The following ATXN10 variants were observed in gnomAD, a reference collection of about 807,000 sequenced individuals.
ATXN10 encodes the protein ataxin 10.
In ATXN10, 28 loss-of-function variants were observed where a neutral mutation model predicts 52.9. The observed-to-expected ratio is 0.53, with a 90% confidence interval of 0.39 to 0.73. ATXN10 has a LOEUF of 0.73. Among genes scored for constraint, ATXN10 ranks in the 30% least tolerant of loss-of-function variants. The pLI is 0.00. For synonymous variants in ATXN10, 226 were observed against 221.5 expected, an observed-to-expected ratio of 1.02 and a Z score of -0.18; for missense variants, 565 against 577.0, an observed-to-expected ratio of 0.98 and a Z score of 0.21.
In ATXN10 at chr22:45,744,130, G is replaced by A. The variant is rs1925641224; in HGVS notation, c.1173+3592G>A. ...TTTGCTGGCTTGGGGATCCTTTGAC[G>A]GGTAATTCAGGCAAGGTATTAATAT... On this transcript the variant is annotated intron_variant, in intron 9 of 11. Transcript: ENST00000252934. This position sits in a 1 kb window ranked among gnomAD's most constrained non-coding sequence, Gnocchi z 4.9. Among the ~76,000 whole-genome samples, 1 of 152,084 alleles carries A rather than the reference G, an allele frequency of 6.6e-6. No homozygotes were observed. The highest frequency in any genetic ancestry group is 1.9e-4 in the East Asian group (1 of 5,188).
chr22:45,818,817 A>G lies in ATXN10; in HGVS notation c.1237+11795A>G, dbSNP rs1372676565. ...ATGTAACATTTATTTGAAAACAGAA[A>G]CAAAACTGTATGTGGACACTGATTG... On this transcript the variant is annotated intron_variant, in intron 10 of 11. Coordinates refer to ENST00000252934, the MANE Select transcript of ATXN10 (RefSeq NM_013236.4). The surrounding 1 kb of genome is among the most constrained non-coding windows in gnomAD (Gnocchi z 4.6). Among the ~76,000 whole-genome samples, 1 of 151,848 alleles carries G rather than the reference A, an allele frequency of 6.6e-6. No homozygotes were observed. Among genetic ancestry groups the G allele is most frequent in the Non-Finnish European group, 1.5e-5 (1 of 67,946 alleles).
chr22:45,801,634 C>T (rs1046795809), intron 9 of ATXN10, among the ~76,000 whole-genome samples: 3 of 152,152 alleles, frequency 2.0e-5, no homozygotes, highest in African/African-American at 7.2e-5. Context: ...TCAAGAACAA[C>T]ATTACACTAA....
intron 10 of ATXN10, among the ~76,000 whole-genome samples, chr22:45,808,698 C>T (rs1003736505): frequency 6.6e-6 from 1 of 152,202 alleles, no homozygotes; most frequent in Non-Finnish European, 1.5e-5. Flanking sequence ...AGATTTTATA[C>T]ATGTGAGTGC....
At chr22:45,751,563 A>T (rs1925950939) in intron 9 of ATXN10, among the ~76,000 whole-genome samples, 6 of 151,742 alleles carry the variant, frequency 4.0e-5, no homozygotes, top group Admixed American at 3.9e-4. Flanking sequence ...AGGTGTTCTG[A>T]CTTGGGTACA....
At chr22:45,710,609 A>G (rs569742211) in intron 5 of ATXN10, among the ~76,000 whole-genome samples, 2 of 152,328 alleles carry the variant, frequency 1.3e-5, no homozygotes, top group African/African-American at 2.4e-5. Flanking sequence ...CAAAGCACCT[A>G]GAACATGTGT....
intron 9 of ATXN10, among the ~76,000 whole-genome samples, chr22:45,785,415 T>C (rs946062648): frequency 1.3e-5 from 2 of 152,222 alleles, no homozygotes; most frequent in Non-Finnish European, 2.9e-5. Context: ...GTGCTTCTAC[T>C]TTTTTTCTTA....
At chr22:45,730,610 T>C (rs1175636474) in intron 7 of ATXN10, among the ~76,000 whole-genome samples, 1 of 152,200 alleles carries the variant, frequency 6.6e-6, no homozygotes, top group Non-Finnish European at 1.5e-5. Flanking sequence ...ATAATTTTTG[T>C]ATTTTTGGTA....
chr22:45,768,379 G>T (rs919609750), intron 9 of ATXN10, among the ~76,000 whole-genome samples: 1 of 151,528 alleles, frequency 6.6e-6, no homozygotes, highest in African/African-American at 2.4e-5. Flanking sequence ...GGGATGGTTT[G>T]AGGATGAAAA....
rs1233010501 is a variant in ATXN10, at chr22:45,786,118, G to A, written c.1174-20841G>A. Among the ~76,000 whole-genome samples the A allele has an allele frequency of 2.0e-5, 3 of 152,158 alleles. No homozygotes were observed. The highest frequency in any genetic ancestry group is 4.4e-5 in the Non-Finnish European group (3 of 68,042). On this transcript the variant is annotated intron_variant, in intron 9 of 11. Coordinates refer to ENST00000252934, the MANE Select transcript of ATXN10 (RefSeq NM_013236.4). This position sits in a 1 kb window ranked among gnomAD's most constrained non-coding sequence, Gnocchi z 4.1. ...TGAGAAAATTGCACTAAATTCAGAT[G>A]TGAATGTTTGCTAAAGAAAAGATAG...
chr22:45,702,371 TTTTC>T (rs895212669), intron 4 of ATXN10, among the ~76,000 whole-genome samples: 1 of 152,172 alleles, frequency 6.6e-6, no homozygotes, highest in Non-Finnish European at 1.5e-5. Flanking sequence ...CCTGTCGATT[TTTTC>T]TTTCTAACAA....
Position 45,774,603 on chromosome 22 carries a change from G to GA in ATXN10, c.1174-32351dup, listed in dbSNP as rs964063033. On this transcript the variant is annotated intron_variant, in intron 9 of 11. Coordinates refer to ENST00000252934, the MANE Select transcript of ATXN10 (RefSeq NM_013236.4). The surrounding 1 kb of genome is among the most constrained non-coding windows in gnomAD (Gnocchi z 6.2). Reference sequence around the variant, plus strand: ...AGGAAATCTTCCATGTCAGGTTCCTGAAAAAGAGAAAGGATGTTTAATGTT... The same window carrying GA: ...AGGAAATCTTCCATGTCAGGTTCCTGAAAAAAGAGAAAGGATGTTTAATGTT... Among the ~76,000 whole-genome samples the GA allele has an allele frequency of 6.6e-5, 10 of 152,190 alleles. No homozygotes were observed. Among genetic ancestry groups the GA allele is most frequent in the Admixed American group, 1.3e-4 (2 of 15,278 alleles).
At position 45,757,336 on chromosome 22, in the gene ATXN10, T is replaced by G. The variant is rs918842570; in HGVS notation, c.1173+16798T>G. On this transcript the variant is annotated intron_variant, in intron 9 of 11. Coordinates refer to ENST00000252934, the MANE Select transcript of ATXN10 (RefSeq NM_013236.4). The surrounding 1 kb of genome is among the most constrained non-coding windows in gnomAD (Gnocchi z 4.6). ...ACAAAAATGCCTCAGAGCTTCAGTGTAACTGGAGCAATACCAGCTGATTCT... is the reference window on the plus strand; with the variant it reads ...ACAAAAATGCCTCAGAGCTTCAGTGGAACTGGAGCAATACCAGCTGATTCT... 2.6e-5 allele frequency among the ~76,000 whole-genome samples: 4 copies of G among 152,172 alleles called. No individual in the cohort carries two copies. Among genetic ancestry groups the G allele is most frequent in the African/African-American group, 4.8e-5 (2 of 41,450 alleles).
At position 45,732,190 on chromosome 22, in the gene ATXN10, G is replaced by A. The variant is rs941920322; in HGVS notation, c.894+2600G>A. Among the ~76,000 whole-genome samples the A allele has an allele frequency of 6.6e-6, 1 of 152,156 alleles. No homozygotes were observed. Among genetic ancestry groups the A allele is most frequent in the African/African-American group, 2.4e-5 (1 of 41,430 alleles). On this transcript the variant is annotated intron_variant, in intron 7 of 11. Transcript: ENST00000252934. This position sits in a 1 kb window ranked among gnomAD's most constrained non-coding sequence, Gnocchi z 4.5. ...TTGTAGACTGGGAACAGTGGCTCAT[G>A]CCCGTAATCCCAATACTTTGGGACG...
At chr22:45,806,757 A>C (rs769924930) in intron 9 of ATXN10, among the ~76,000 whole-genome samples, 3 of 152,044 alleles carry the variant, frequency 2.0e-5, no homozygotes, top group Non-Finnish European at 4.4e-5. Flanking sequence ...TTTTTTTTGA[A>C]GTCCAGTGAA....
At chr22:45,765,964 T>A (rs774950252) in intron 9 of ATXN10, among the ~76,000 whole-genome samples, 1 of 152,130 alleles carries the variant, frequency 6.6e-6, no homozygotes, top group Non-Finnish European at 1.5e-5. Flanking sequence ...TTCTACCAGA[T>A]ACTAAAAATG....
chr22:45,828,367 G>C lies in ATXN10; in HGVS notation c.1238-14624G>C, dbSNP rs1928885764. Among the ~76,000 whole-genome samples, 3 of 151,828 alleles carry C rather than the reference G, an allele frequency of 2.0e-5. No homozygotes were observed. The highest frequency in any genetic ancestry group is 7.3e-5 in the African/African-American group (3 of 41,326). ...GTTCAAAGAACTAGATAAGGACATAGAAAAAGTAAACCCAAAGCTAGCAAA... is the reference window on the plus strand; with the variant it reads ...GTTCAAAGAACTAGATAAGGACATACAAAAAGTAAACCCAAAGCTAGCAAA... On this transcript the variant is annotated intron_variant, in intron 10 of 11. Transcript: ENST00000252934. This position sits in a 1 kb window ranked among gnomAD's most constrained non-coding sequence, Gnocchi z 4.5.
At position 45,783,626 on chromosome 22, in the gene ATXN10, T is replaced by A. The variant is rs1350876959; in HGVS notation, c.1174-23333T>A. On this transcript the variant is annotated intron_variant, in intron 9 of 11. Transcript: ENST00000252934. This position sits in a 1 kb window ranked among gnomAD's most constrained non-coding sequence, Gnocchi z 5.0. ...TGCTTTTTGCTTGTCTGTGGGGCCT[T>A]CTCTCTCCCTTATCCCCACCCACAT... Among the ~76,000 whole-genome samples, 2 of 152,156 alleles carry A rather than the reference T, an allele frequency of 1.3e-5. No homozygotes were observed. The highest frequency in any genetic ancestry group is 6.5e-5 in the Admixed American group (1 of 15,278).
rs1253113693 is a variant in ATXN10 at position 45,729,550 on chromosome 22, C to G, written c.854C>G (p.Thr285Ser). Residue 285 changes from threonine (T) to serine (S), a missense_variant, in exon 7 of 12, where the codon ACT becomes AGT. Coordinates refer to ENST00000252934, the MANE Select transcript of ATXN10 (RefSeq NM_013236.4). ...IASTFVDQCK[T>S]VLKLASEEPP... ...AGCACCTTTGTGGATCAGTGCAAGA[C>G]TGTGCTCAAGCTGGCCTCTGAGGAG... 5.6e-6 allele frequency: 9 copies of G among 1,614,044 alleles called. No individual in the cohort carries two copies. Among genetic ancestry groups the G allele is most frequent in the Non-Finnish European group, 7.6e-6 (9 of 1,180,034 alleles).
intron 9 of ATXN10, among the ~76,000 whole-genome samples, chr22:45,798,962 C>T (rs2146876234): frequency 6.6e-6 from 1 of 152,208 alleles, no homozygotes; most frequent in Middle Eastern, 3.4e-3. Flanking sequence ...TAAAACATTG[C>T]TGAGAGAAGT....
Sources: allele counts gnomAD v4.1 joint callset (sites outside exome capture counted in the v4.1 genomes callset), GRCh38; gene constraint gnomAD v4.1.1; non-coding constraint Gnocchi (gnomAD v3.1); transcripts MANE v1.5; gene names NCBI Gene and HGNC (gene_info 2026-07-23, HGNC 2026-07-21).